Variants in VRK2 observed in about 807,000 individuals in gnomAD.
VRK2 encodes the protein VRK serine/threonine kinase 2.
A neutral mutation model predicts 57.6 loss-of-function variants in VRK2; 60 were observed. The ratio of observed to expected loss-of-function variants is 1.04; its 90% CI spans 0.85 to 1.29. The LOEUF (loss-of-function observed/expected upper bound fraction) is 1.29. VRK2 is among the 50% of genes most tolerant of loss of function. VRK2 has a pLI of 0.00. For synonymous variants in VRK2, 231 were observed against 199.2 expected, an observed-to-expected ratio of 1.16 and a Z score of -1.35; for missense variants, 705 against 588.1, an observed-to-expected ratio of 1.20 and a Z score of -2.06.
At chr2:58,073,585 G>T (rs192215452) in intron 2 of VRK2, among the ~76,000 whole-genome samples, 288 of 149,782 alleles carry the variant, frequency 1.9e-3, no homozygotes, top group African/African-American at 6.7e-3. Flanking sequence ...TTGTTTTTCT[G>T]GTTCTAAGTC....
rs116832109 is a variant in VRK2, at chr2:58,148,839, A to G, written c.1182+2365A>G. Among the ~76,000 whole-genome samples, 1,390 of 151,814 alleles carry G rather than the reference A, an allele frequency of 9.2e-3. 19 individuals carry two copies. Among genetic ancestry groups the G allele is most frequent in the African/African-American group, 0.031 (1,287 of 41,506 alleles). On this transcript the variant is annotated intron_variant, in intron 12 of 12. Coordinates refer to ENST00000340157, the MANE Select transcript of VRK2 (RefSeq NM_006296.7). ...GTGTGTGAGCCTATTTCTGGGCTCT[A>G]TTTTCTTCTATTCTACTTGTCTCTC...
chr2:57,976,677 T>C (rs1325381028), intron 1 of VRK2, among the ~76,000 whole-genome samples: 1 of 152,128 alleles, frequency 6.6e-6, no homozygotes, highest in Non-Finnish European at 1.5e-5. Context: ...GTTGTCTATT[T>C]ACTTTGTTGA....
chr2:57,919,392 A>G (rs1372978121), intron 1 of VRK2, among the ~76,000 whole-genome samples: 1 of 152,092 alleles, frequency 6.6e-6, no homozygotes, highest in Non-Finnish European at 1.5e-5. Flanking sequence ...AGTTTTCATG[A>G]TACTTTATAA....
At chr2:58,064,969 C>T (rs1421503774) in intron 2 of VRK2, among the ~76,000 whole-genome samples, 5 of 152,024 alleles carry the variant, frequency 3.3e-5, no homozygotes, top group Non-Finnish European at 5.9e-5. Context: ...TTTCTCATTT[C>T]TGCATATTCA....
chr2:58,000,003 T>TGCACACAC (rs540746151), intron 1 of VRK2, among the ~76,000 whole-genome samples: 1 of 151,820 alleles, frequency 6.6e-6, no homozygotes, highest in Admixed American at 6.6e-5. Context: ...CACACACACA[T>TGCACACAC]GCACACACGC....
intron 12 of VRK2, among the ~76,000 whole-genome samples, chr2:58,151,211 C>A (rs1391382733): frequency 2.6e-5 from 4 of 151,474 alleles, no homozygotes; most frequent in African/African-American, 9.7e-5. Context: ...CCATTTGTCT[C>A]TTCTATACAT....
chr2:57,919,451 A>G (rs1175578573), intron 1 of VRK2, among the ~76,000 whole-genome samples: 2 of 152,064 alleles, frequency 1.3e-5, no homozygotes, highest in Non-Finnish European at 2.9e-5. Context: ...TCCTGAGGCA[A>G]TTGTCAGTCA....
At chr2:57,982,879 G>A (rs67993785) in intron 1 of VRK2, among the ~76,000 whole-genome samples, 27,687 of 152,118 alleles carry the variant, frequency 0.18, 3,311 homozygotes, top group African/African-American at 0.34. Flanking sequence ...GGCTCCACAC[G>A]GGCTAGACTT....
At chr2:57,983,099 C>A (rs1672482617) in intron 1 of VRK2, among the ~76,000 whole-genome samples, 1 of 152,100 alleles carries the variant, frequency 6.6e-6, no homozygotes, top group Non-Finnish European at 1.5e-5. Flanking sequence ...TTTTTTAGCC[C>A]ACATTTGTGT....
At chr2:58,090,686 A>C (rs1393721578) in intron 7 of VRK2, among the ~76,000 whole-genome samples, 1 of 152,150 alleles carries the variant, frequency 6.6e-6, no homozygotes, top group Non-Finnish European at 1.5e-5. Context: ...TTAACATACC[A>C]AGCAGCAGTT....
intron 1 of VRK2, among the ~76,000 whole-genome samples, chr2:57,930,164 A>G (rs573555284): frequency 6.6e-6 from 1 of 152,256 alleles, no homozygotes; most frequent in East Asian, 1.9e-4. Flanking sequence ...TGTGGCCTAC[A>G]TGGCCTTTCA....
chr2:58,073,962 C>T (rs1319483833), intron 2 of VRK2, among the ~76,000 whole-genome samples: 1 of 151,992 alleles, frequency 6.6e-6, no homozygotes, highest in Non-Finnish European at 1.5e-5. Flanking sequence ...CCTGCCTTTC[C>T]CAGCCCACGA....
intron 2 of VRK2, among the ~76,000 whole-genome samples, chr2:58,031,350 G>A (rs938602967): frequency 6.6e-6 from 1 of 151,908 alleles, no homozygotes; most frequent in South Asian, 2.1e-4. Context: ...CTTTGTTCCC[G>A]TGTCCCCTAT....
chr2:58,115,569 C>G (rs912988771), intron 7 of VRK2, among the ~76,000 whole-genome samples: 9 of 152,150 alleles, frequency 5.9e-5, no homozygotes, highest in Non-Finnish European at 1.0e-4. Context: ...AAAGGCTACA[C>G]GGTGTGGTCC....
Position 58,155,926 on chromosome 2 carries a change from T to G in VRK2, c.1183-3423T>G, listed in dbSNP as rs931696120. ...AGAGCATGTTTTTCATGTTTGTTTT[T>G]TTTTTTTTCCAGTCTGTGCATATTG... On this transcript the variant is annotated intron_variant, in intron 12 of 12. Coordinates refer to ENST00000340157, the MANE Select transcript of VRK2 (RefSeq NM_006296.7). 3.2e-4 allele frequency among the ~76,000 whole-genome samples: 48 copies of G among 151,934 alleles called. 1 individual carries two copies. In the South Asian group the frequency reaches 3.7e-3, roughly 12 times the overall value.
chr2:58,065,757 C>A (rs1668517105), intron 2 of VRK2, among the ~76,000 whole-genome samples: 1 of 152,064 alleles, frequency 6.6e-6, no homozygotes, highest in African/African-American at 2.4e-5. Context: ...GTCCTCATTT[C>A]TTTAGGTCTT....
chr2:58,044,422 C>A (rs968480545), upstream of VRK2, among the ~76,000 whole-genome samples: 7 of 152,072 alleles, frequency 4.6e-5, no homozygotes, highest in African/African-American at 1.7e-4. Context: ...AAATGGTTGC[C>A]CATATCCTTT....
chr2:57,990,445 A>C (rs1458915942), intron 1 of VRK2, among the ~76,000 whole-genome samples: 1 of 152,232 alleles, frequency 6.6e-6, no homozygotes, highest in Non-Finnish European at 1.5e-5. Flanking sequence ...AGAATTATTC[A>C]GGGTAAATAT....
At chr2:58,017,913 G>T (rs74363019) in intron 1 of VRK2, 38 of 152,254 alleles carry the variant, frequency 2.5e-4, no homozygotes, top group Admixed American at 4.6e-4. Context: ...GAAAATATTC[G>T]TAGTACATAC....
Sources: allele counts gnomAD v4.1 joint callset (sites outside exome capture counted in the v4.1 genomes callset), GRCh38; gene constraint gnomAD v4.1.1; transcripts MANE v1.5; gene names NCBI Gene and HGNC (gene_info 2026-07-23, HGNC 2026-07-21).